Variants in FAM124A observed in about 807,000 individuals in gnomAD.
The protein encoded by FAM124A is protein FAM124A.
A neutral mutation model predicts 24.5 loss-of-function variants in FAM124A; 23 were observed. The observed-to-expected ratio is 0.94, with a 90% CI of 0.68 to 1.33. The LOEUF (loss-of-function observed/expected upper bound fraction) is 1.33. Among genes scored for constraint, FAM124A ranks in the 40% most tolerant of loss-of-function variants. The pLI, the probability that FAM124A is intolerant of heterozygous loss-of-function variation, is 0.00. For synonymous variants in FAM124A, 287 were observed against 314.7 expected (o/e 0.91, Z 0.93); for missense variants, 623 against 722.8 (o/e 0.86, Z 1.58).
At position 51,258,832 on chromosome 13, in the gene FAM124A, C is replaced by A. The variant is rs1954701661; in HGVS notation, c.834+6631C>A. ...GACCCGGGAATGGCAACCGTTACCACACACAGGTGGATGGGTTCACGTGGC... is the reference window on the plus strand; with the variant it reads ...GACCCGGGAATGGCAACCGTTACCAAACACAGGTGGATGGGTTCACGTGGC... On this transcript the variant is annotated intron_variant, in intron 3 of 3. Transcript: ENST00000322475. The surrounding 1 kb of genome is among the most constrained non-coding windows in gnomAD (Gnocchi z 4.2). Among the ~76,000 whole-genome samples, 1 of 152,226 alleles carries A rather than the reference C, an allele frequency of 6.6e-6. No homozygotes were observed. Among genetic ancestry groups the A allele is most frequent in the Admixed American group, 6.5e-5 (1 of 15,290 alleles).
At chr13:51,256,009 G>A (rs1015675000) in intron 3 of FAM124A, among the ~76,000 whole-genome samples, 4 of 152,162 alleles carry the variant, frequency 2.6e-5, no homozygotes, top group African/African-American at 4.8e-5. Flanking sequence ...CCTGCAACTC[G>A]GCCATGTGGG....
chr13:51,246,703 C>T (rs572361155), intron 2 of FAM124A, among the ~76,000 whole-genome samples: 1 of 152,178 alleles, frequency 6.6e-6, no homozygotes, highest in East Asian at 1.9e-4. Context: ...TTCAGCTCAC[C>T]CCCCTGCTCT....
At chr13:51,257,462 T>C (rs562550444) in intron 3 of FAM124A, among the ~76,000 whole-genome samples, 1 of 152,266 alleles carries the variant, frequency 6.6e-6, no homozygotes, top group African/African-American at 2.4e-5. Flanking sequence ...ATCTTCACCC[T>C]GTACACTCCA....
At chr13:51,243,996 G>C (rs959792432) in intron 2 of FAM124A, among the ~76,000 whole-genome samples, 2 of 152,138 alleles carry the variant, frequency 1.3e-5, no homozygotes, top group African/African-American at 4.8e-5. Context: ...GTTGATGGGG[G>C]CTTTAGAAAT....
intron 2 of FAM124A, among the ~76,000 whole-genome samples, chr13:51,231,618 T>C (rs959951544): frequency 1.3e-5 from 2 of 152,194 alleles, no homozygotes; most frequent in Admixed American, 6.5e-5. Flanking sequence ...TTGTGGATGC[T>C]TCTAGGAGCA....
chr13:51,263,491 C>T (rs1357781890), intron 3 of FAM124A, among the ~76,000 whole-genome samples: 1 of 152,230 alleles, frequency 6.6e-6, no homozygotes, highest in Non-Finnish European at 1.5e-5. Flanking sequence ...GCCCCACATG[C>T]CTCTCAGGGG....
In FAM124A at chr13:51,280,948, C is replaced by T. The variant is rs1463854771; in HGVS notation, c.1333C>T (p.Leu445Phe). 1.2e-6 allele frequency: 2 copies of T among 1,614,112 alleles called. No individual in the cohort carries two copies. The highest frequency in any genetic ancestry group is 1.7e-6 in the Non-Finnish European group (2 of 1,179,994). ...GTTCTGCAGCACAGTGGAGACACCC[C>T]TCCCCTCCGAAAGATGCAGCAGCCA... The part of the protein sequence containing the change: ...SRFCSTVETP[L>F]PSERCSSHWA... The change falls in exon 4 of 4, where the codon CTC becomes TTC. Residue 445 changes from leucine (L) to phenylalanine (F), a missense_variant. By Grantham distance (22) the Leu-to-Phe change is conservative. Transcript: ENST00000322475.
At chr13:51,228,472 T>G (rs2137644010) in intron 1 of FAM124A, among the ~76,000 whole-genome samples, 1 of 152,318 alleles carries the variant, frequency 6.6e-6, no homozygotes, top group East Asian at 1.9e-4. Flanking sequence ...GTGTATAAAT[T>G]TTTCATTCTA....
At chr13:51,269,454 A>G (rs930650171) in intron 3 of FAM124A, among the ~76,000 whole-genome samples, 2 of 152,236 alleles carry the variant, frequency 1.3e-5, no homozygotes, top group African/African-American at 4.8e-5. Context: ...ATATGAGAGC[A>G]AAGTTTTAGT....
chr13:51,233,655 C>T (rs923116750), intron 2 of FAM124A, among the ~76,000 whole-genome samples: 3 of 152,272 alleles, frequency 2.0e-5, no homozygotes, highest in Admixed American at 1.3e-4. Flanking sequence ...ATCCTGGCGC[C>T]ACCTACTTTC....
At chr13:51,231,457 C>A (rs1954376533) in intron 2 of FAM124A, 78 bp downstream of exon 2, 2 of 1,474,876 alleles carry the variant, frequency 1.4e-6, no homozygotes, top group Admixed American at 2.1e-5. Flanking sequence ...CATGTGTGTA[C>A]ATGGTTTTAT....
chr13:51,273,969 G>A (rs925470753), intron 3 of FAM124A, among the ~76,000 whole-genome samples: 3 of 152,098 alleles, frequency 2.0e-5, no homozygotes, highest in South Asian at 2.1e-4. Context: ...ATAAATATTC[G>A]GGGAAAGATG....
In FAM124A at chr13:51,283,152, C is replaced by T. The variant is rs528309572; in HGVS notation, c.*1896C>T. ...TGCCTCCTGGGTTCAAGCCATTCTC[C>T]TGCCTCAGCCTCCCAAGTAGCTGCG... On this transcript the variant is annotated 3_prime_UTR_variant, in exon 4 of 4. Coordinates refer to ENST00000322475, the MANE Select transcript of FAM124A (RefSeq NM_001242312.2). 4 of 152,434 alleles carry T rather than the reference C, an allele frequency of 2.6e-5. No individual in the cohort carries two copies. Among genetic ancestry groups the T allele is most frequent in the Admixed American group, 2.0e-4 (3 of 15,306 alleles). The allele number at this position is 152,434 out of a possible 1,614,324, so 9.4% of individuals were successfully genotyped here.
At chr13:51,229,372 C>T (rs1954350160) in intron 1 of FAM124A, among the ~76,000 whole-genome samples, 1 of 152,176 alleles carries the variant, frequency 6.6e-6, no homozygotes, top group South Asian at 2.1e-4. Flanking sequence ...CCCGGTGGTG[C>T]CCTTAGTCTC....
chr13:51,225,036 T>TG (rs1954302740), intron 1 of FAM124A: 1 of 152,200 alleles, frequency 6.6e-6, no homozygotes, highest in Non-Finnish European at 1.5e-5. Context: ...ATCCTTAATT[T>TG]GGGGTCCATG....
intron 3 of FAM124A, among the ~76,000 whole-genome samples, chr13:51,273,419 C>T (rs550266748): frequency 1.4e-4 from 22 of 152,284 alleles, no homozygotes; most frequent in Admixed American, 5.2e-4. Flanking sequence ...CAGTCAGGCT[C>T]GCAGATAGAT....
At chr13:51,246,615 G>A (rs565225943) in intron 2 of FAM124A, among the ~76,000 whole-genome samples, 6 of 151,978 alleles carry the variant, frequency 3.9e-5, no homozygotes, top group Non-Finnish European at 5.9e-5. Flanking sequence ...TCTGGGGGTC[G>A]GGTCTTCGTC....
Position 51,272,220 on chromosome 13 carries a change from T to C in FAM124A, c.835-8230T>C, listed in dbSNP as rs1343817320. ...TCCCCCTATCTTCTTACAAGGAAGT[T>C]GGGGGCACAGGAGGTCAGTAGGTTG... On this transcript the variant is annotated intron_variant, in intron 3 of 3. Coordinates refer to ENST00000322475, the MANE Select transcript of FAM124A (RefSeq NM_001242312.2). The surrounding 1 kb of genome is among the most constrained non-coding windows in gnomAD (Gnocchi z 4.2). Among the ~76,000 whole-genome samples the C allele has an allele frequency of 6.6e-6, 1 of 152,070 alleles. No individual in the cohort carries two copies. Among genetic ancestry groups the C allele is most frequent in the African/African-American group, 2.4e-5 (1 of 41,394 alleles).
intron 2 of FAM124A, among the ~76,000 whole-genome samples, chr13:51,243,753 C>T (rs967514228): frequency 2.6e-5 from 4 of 152,148 alleles, no homozygotes; most frequent in African/African-American, 9.7e-5. Context: ...CCAGGCTGGT[C>T]TTGAACTCCT....
Sources: allele counts gnomAD v4.1 joint callset (sites outside exome capture counted in the v4.1 genomes callset), GRCh38; gene constraint gnomAD v4.1.1; non-coding constraint Gnocchi (gnomAD v3.1); transcripts MANE v1.5; gene names NCBI Gene and HGNC (gene_info 2026-07-23, HGNC 2026-07-21).